Variants in CPA6 observed in about 807,000 individuals in gnomAD.
The protein encoded by CPA6 is carboxypeptidase B.
CPA6 carries 58 observed loss-of-function variants against 63.3 expected under a neutral mutation model. The observed-to-expected ratio is 0.92, with a 90% CI of 0.74 to 1.14. CPA6 has a LOEUF of 1.14. Ranked by LOEUF, CPA6 falls within the 50% of genes most tolerant of loss-of-function variation. CPA6 has a pLI of 0.00. For synonymous variants in CPA6, 185 were observed against 179.0 expected, an observed-to-expected ratio of 1.03 and a Z score of -0.27; for missense variants, 565 against 526.6, an observed-to-expected ratio of 1.07 and a Z score of -0.71.
chr8:67,463,209 C>G (rs180767376), intron 8 of CPA6, among the ~76,000 whole-genome samples: 25 of 152,080 alleles, frequency 1.6e-4, no homozygotes, highest in Admixed American at 1.4e-3. Context: ...TTTGGGAGGT[C>G]GAGGCGGGCG....
At chr8:67,522,996 G>A (rs1035247595) in intron 2 of CPA6, among the ~76,000 whole-genome samples, 1 of 152,182 alleles carries the variant, frequency 6.6e-6, no homozygotes, top group African/African-American at 2.4e-5. Flanking sequence ...AGTTATTTTT[G>A]TTACCATTAT....
chr8:67,523,497 C>A (rs1237444610), intron 2 of CPA6, among the ~76,000 whole-genome samples: 7 of 152,102 alleles, frequency 4.6e-5, no homozygotes, highest in Non-Finnish European at 1.0e-4. Flanking sequence ...CCGCTGCACT[C>A]CAGCCTGGGG....
At chr8:67,602,091 C>T (rs903558376) in intron 2 of CPA6, among the ~76,000 whole-genome samples, 5 of 151,802 alleles carry the variant, frequency 3.3e-5, no homozygotes, top group Non-Finnish European at 7.4e-5. Flanking sequence ...GTGAAGAAGG[C>T]AAGTAGTAAA....
At chr8:67,535,213 T>C (rs1351260247) in intron 2 of CPA6, among the ~76,000 whole-genome samples, 2 of 152,218 alleles carry the variant, frequency 1.3e-5, no homozygotes, top group Non-Finnish European at 2.9e-5. Flanking sequence ...ATCCTTTGGG[T>C]ATATACCCAG....
chr8:67,676,321 G>A (rs1229608320), intron 1 of CPA6, among the ~76,000 whole-genome samples: 3 of 152,202 alleles, frequency 2.0e-5, no homozygotes, highest in Non-Finnish European at 4.4e-5. Flanking sequence ...TTTAACCCAC[G>A]TTCAAATAGG....
chr8:67,446,970 G>T (rs1011172005), intron 8 of CPA6, among the ~76,000 whole-genome samples: 2 of 151,158 alleles, frequency 1.3e-5, no homozygotes, highest in Non-Finnish European at 2.9e-5. Context: ...TATGTATCTT[G>T]ATATAGCTAT....
At chr8:67,597,881 T>G (rs1375646116) in intron 2 of CPA6, among the ~76,000 whole-genome samples, 1 of 152,218 alleles carries the variant, frequency 6.6e-6, no homozygotes, top group African/African-American at 2.4e-5. Flanking sequence ...TTTAATTATG[T>G]GTGGACATCA....
intron 8 of CPA6, among the ~76,000 whole-genome samples, chr8:67,471,716 C>T (rs1410819970): frequency 6.6e-6 from 1 of 152,082 alleles, no homozygotes; most frequent in East Asian, 1.9e-4. Flanking sequence ...CATCATTTAC[C>T]TACATCTGTG....
chr8:67,522,245 C>T (rs552463598), intron 2 of CPA6, among the ~76,000 whole-genome samples: 30 of 152,278 alleles, frequency 2.0e-4, no homozygotes, highest in South Asian at 1.2e-3. Context: ...CTGGACTCAG[C>T]GTCACAGATG....
chr8:67,582,617 A>T (rs1813805537), intron 2 of CPA6, among the ~76,000 whole-genome samples: 1 of 152,214 alleles, frequency 6.6e-6, no homozygotes. Flanking sequence ...AAGTTTCATC[A>T]TGTAGAAATT....
chr8:67,517,034 T>G (rs777705537), intron 3 of CPA6, among the ~76,000 whole-genome samples: 15 of 152,236 alleles, frequency 9.9e-5, no homozygotes, highest in Middle Eastern at 6.8e-3. Flanking sequence ...TGACCTCAGG[T>G]GATCTGACCA....
At chr8:67,692,328 C>CAAAA (rs55676882) in intron 1 of CPA6, among the ~76,000 whole-genome samples, 3 of 89,962 alleles carry the variant, frequency 3.3e-5, no homozygotes, top group Non-Finnish European at 6.9e-5. Flanking sequence ...AATCCTGTCT[C>CAAAA]AAAAAAAAAA....
At chr8:67,458,510 T>A (rs1003683733) in intron 8 of CPA6, among the ~76,000 whole-genome samples, 2 of 152,148 alleles carry the variant, frequency 1.3e-5, no homozygotes, top group African/African-American at 4.8e-5. Context: ...CAATCACTTT[T>A]AAAATACAAC....
intron 6 of CPA6, among the ~76,000 whole-genome samples, chr8:67,488,294 A>G (rs531393113): frequency 1.3e-5 from 2 of 152,286 alleles, no homozygotes; most frequent in African/African-American, 4.8e-5. Context: ...TCCCAGCACC[A>G]TTTATTAAAC....
intron 8 of CPA6, among the ~76,000 whole-genome samples, chr8:67,476,060 G>A (rs556435185): frequency 6.7e-6 from 1 of 148,918 alleles, no homozygotes; most frequent in Non-Finnish European, 1.5e-5. Flanking sequence ...TGTTGCTGAG[G>A]TTGGAGTGCA....
At chr8:67,567,490 A>C (rs1052143070) in intron 2 of CPA6, among the ~76,000 whole-genome samples, 6 of 152,226 alleles carry the variant, frequency 3.9e-5, no homozygotes, top group African/African-American at 1.4e-4. Flanking sequence ...TAACTGGGTC[A>C]GTGGCAGTTT....
At chr8:67,648,258 G>GTT (rs4009129) in intron 1 of CPA6, among the ~76,000 whole-genome samples, 6,221 of 113,840 alleles carry the variant, frequency 0.055, 359 homozygotes, top group African/African-American at 0.13. Context: ...CCTAGATTAG[G>GTT]TTTTTTTTTT....
chr8:67,551,286 A>G (rs1010402928), intron 2 of CPA6, among the ~76,000 whole-genome samples: 1 of 152,096 alleles, frequency 6.6e-6, no homozygotes, highest in African/African-American at 2.4e-5. Flanking sequence ...TTGAATAGGG[A>G]GTCCTTTCTC....
rs183920651 is a variant in CPA6 at position 67,499,391 on chromosome 8, C to A, written c.636+7396G>T. ...AGCACCTGGTTCCAAAGAATGGAAACCAGGGATATGCAGCCTGGCTATTAT... is the reference window on the plus strand; with the variant it reads ...AGCACCTGGTTCCAAAGAATGGAAAACAGGGATATGCAGCCTGGCTATTAT... On this transcript the variant is annotated intron_variant, in intron 6 of 10. Coordinates refer to ENST00000297770, the MANE Select transcript of CPA6 (RefSeq NM_020361.5). Among the ~76,000 whole-genome samples the A allele has an allele frequency of 4.6e-5, 7 of 152,248 alleles. No homozygotes were observed. The East Asian group carries it at 1.3e-3, about 29-fold the overall frequency.
Sources: gnomAD v4.1 joint callset for allele counts (sites outside exome capture counted in the v4.1 genomes callset) on GRCh38, gnomAD v4.1.1 for gene constraint, MANE v1.5 for transcripts, NCBI Gene and HGNC (gene_info 2026-07-23, HGNC 2026-07-21) for gene names.